The following ADGRG1 variants were observed in gnomAD, a reference collection of about 807,000 sequenced individuals.
The protein encoded by ADGRG1 is adhesion G protein-coupled receptor G1.
Under a neutral mutation model 73.5 loss-of-function variants are expected in ADGRG1, and 53 were observed. That is an observed-to-expected ratio of 0.72 (90% CI 0.58 to 0.91). The LOEUF (loss-of-function observed/expected upper bound fraction) is 0.91. Among genes scored for constraint, ADGRG1 ranks in the 40% least tolerant of loss-of-function variants. ADGRG1 has a pLI of 0.00. For missense variants in ADGRG1, 795 were observed against 871.8 expected (o/e 0.91, Z 1.11); for synonymous variants, 394 against 374.4 (o/e 1.05, Z -0.60).
At chr16:57,653,493 C>A in intron 4 of ADGRG1, 158 bp downstream of exon 4, 1 of 984,304 alleles carries the variant, frequency 1.0e-6, no homozygotes, top group African/African-American at 1.7e-5. Flanking sequence ...TCAACACATG[C>A]CCCCCAGGCT....
intron 1 of ADGRG1, chr16:57,642,178 C>G (rs567157227): frequency 2.0e-6 from 2 of 985,436 alleles, no homozygotes; most frequent in African/African-American, 1.7e-5. Flanking sequence ...ACAGGCCCAG[C>G]TGGCCACGGC....
intron 1 of ADGRG1, chr16:57,630,543 G>C: frequency 1.1e-5 from 11 of 985,310 alleles, no homozygotes; most frequent in Non-Finnish European, 1.3e-5. Context: ...AGAGTGTCGG[G>C]TGATGGAGAA....
At chr16:57,654,193 G>T (rs960015282) in intron 5 of ADGRG1, 60 bp downstream of exon 5, 2 of 1,542,086 alleles carry the variant, frequency 1.3e-6, no homozygotes, top group Non-Finnish European at 1.8e-6. Flanking sequence ...GATGGAGGTG[G>T]GGGCTGTGAG....
At chr16:57,652,432 A>G (rs1317414803) in intron 3 of ADGRG1, among the ~76,000 whole-genome samples, 1 of 152,168 alleles carries the variant, frequency 6.6e-6, no homozygotes, top group Non-Finnish European at 1.5e-5. Context: ...CCAGTGCAAC[A>G]GGCAGGCCCA....
At position 57,654,409 on chromosome 16, in the gene ADGRG1, ACC is replaced by A. The variant is rs72461004; in HGVS notation, c.768+287_768+288del. ...CCAGCCCCTAAACGCCTGTCCACGC[ACC>A]CCCCCCCCCCGTTTTTTTTTTTTCG... On this transcript the variant is annotated intron_variant, in intron 5 of 13. Transcript: ENST00000562631. Among the ~76,000 whole-genome samples the A allele has an allele frequency of 0.17, 7,624 of 44,922 alleles. 604 individuals are homozygous for A. Among genetic ancestry groups the A allele is most frequent in the East Asian group, 0.38 (906 of 2,386 alleles). 29.5% of individuals were successfully genotyped at this position (44,922 alleles called of 152,430 possible).
chr16:57,630,113 G>T (rs949571964), intron 1 of ADGRG1: 1 of 687,272 alleles, frequency 1.5e-6, no homozygotes, highest in East Asian at 1.3e-4. Context: ...GAACATGGCC[G>T]TGGGTGAGGC....
chr16:57,642,119 C>T lies in ADGRG1; in HGVS notation c.-35-8134C>T, dbSNP rs907845560. ...AAACTCTTGCATCTTCATATTCTTT[C>T]TCTCTCTTTTCCAACATCCTGAGTG... On this transcript the variant is annotated intron_variant, in intron 1 of 13. Coordinates refer to ENST00000562631, the MANE Select transcript of ADGRG1 (RefSeq NM_201525.4). 10 of 985,228 alleles carry T rather than the reference C, an allele frequency of 1.0e-5. No individual in the cohort carries two copies. The Admixed American group carries it at 6.1e-4, about 61-fold the overall frequency. 61.0% of individuals were successfully genotyped at this position (985,228 alleles called of 1,614,324 possible). A position where few individuals can be genotyped will look rare whatever the true frequency, so the allele number is the denominator to read the frequency against.
intron 1 of ADGRG1, chr16:57,630,998 C>T (rs1567676951): frequency 4.1e-6 from 4 of 986,040 alleles, no homozygotes; most frequent in Non-Finnish European, 4.8e-6. Context: ...GGAGGACTCG[C>T]CAGGCAGGTG....
intron 11 of ADGRG1, among the ~76,000 whole-genome samples, chr16:57,659,972 G>C (rs531755882): frequency 1.3e-5 from 2 of 152,360 alleles, no homozygotes; most frequent in Admixed American, 1.3e-4. Flanking sequence ...ACTGCTCAAA[G>C]GCACCCAGTT....
chr16:57,663,554 C>G lies in ADGRG1; in HGVS notation c.2036C>G (p.Ser679Trp). The change falls in exon 14 of 14, where the codon TCG (serine) becomes TGG (tryptophan). Residue 679 changes from serine (S) to tryptophan (W), a missense_variant. Transcript: ENST00000562631. ...NSDSARLPIS[S>W]GSTSSSRI is the part of the protein sequence containing the mutation. ...GACAGCGCCAGGCTCCCCATCAGCT[C>G]GGGCAGCACCTCGTCCAGCCGCATC... 1.2e-6 allele frequency: 2 copies of G among 1,613,782 alleles called. No homozygotes were observed. The highest frequency in any genetic ancestry group is 1.7e-6 in the Non-Finnish European group (2 of 1,179,988).
chr16:57,639,739 C>A, intron 1 of ADGRG1: 1 of 867,092 alleles, frequency 1.2e-6, no homozygotes, highest in Non-Finnish European at 1.4e-6. Context: ...CCCTGCTCCC[C>A]GCTTCTCCCC....
intron 1 of ADGRG1, chr16:57,630,741 AGGGAGCCTCTGC>A (rs527381204): frequency 9.9e-4 from 230 of 232,828 alleles, no homozygotes; most frequent in African/African-American, 5.1e-3. Flanking sequence ...GAAGAGGACC[AGGGAGCCTCTGC>A]GGAAGGCACT....
Position 57,653,225 on chromosome 16 carries a change from C to T in ADGRG1, c.510C>T (p.His170=), listed in dbSNP as rs1363902153. The change falls in exon 4 of 14, where the codon CAC becomes CAT. Residue 170 remains histidine, a synonymous_variant. Coordinates refer to ENST00000562631, the MANE Select transcript of ADGRG1 (RefSeq NM_201525.4). ...CAGGTCCTCCCCACACGGCCGCTCACAATGCCTCGGTGGACATGTGCGAGC... is the reference window on the plus strand; with the variant it reads ...CAGGTCCTCCCCACACGGCCGCTCATAATGCCTCGGTGGACATGTGCGAGC... ...SFHSPPHTAA[H]NASVDMCELK... The T allele has an allele frequency of 1.2e-6, 2 of 1,611,240 alleles. No homozygotes were observed. The highest frequency in any genetic ancestry group is 2.2e-5 in the East Asian group (1 of 44,882).
intron 1 of ADGRG1, chr16:57,635,624 G>A: frequency 1.0e-6 from 1 of 985,290 alleles, no homozygotes; most frequent in South Asian, 4.7e-5. Context: ...ACAGGAGTGA[G>A]CAAGGTCCAA....
At chr16:57,630,193 A>T (rs882938) in intron 1 of ADGRG1, 38 of 369,338 alleles carry the variant, frequency 1.0e-4, no homozygotes, top group Non-Finnish European at 1.2e-4. Context: ...CCCAGAGGAT[A>T]GCCCCGGGCA....
chr16:57,651,482 C>A lies in ADGRG1; in HGVS notation c.347C>A (p.Ala116Asp). The A allele has an allele frequency of 6.2e-7, 1 of 1,614,214 alleles. No individual in the cohort carries two copies. Among genetic ancestry groups the A allele is most frequent in the Non-Finnish European group, 8.5e-7 (1 of 1,180,036 alleles). The change falls in exon 3 of 14, where the codon GCC becomes GAC. Residue 116 changes from alanine (A) to aspartate (D), a missense_variant. Physicochemically the swap from Ala to Asp is moderately radical, Grantham distance 126. Transcript: ENST00000562631. ...GKRDFLLSDK[A>D]SSLLCFQHQE... ...CGTGACTTCTTGCTGAGTGACAAAG[C>A]CTCTAGCCTCCTCTGCTTCCAGCAC...
chr16:57,639,354 G>C (rs2040164887), intron 1 of ADGRG1: 1 of 985,420 alleles, frequency 1.0e-6, no homozygotes. Flanking sequence ...GCCGGGGTGT[G>C]ACGTAGTCCC....
At chr16:57,663,315 A>T in intron 13 of ADGRG1, 137 bp from the exon 14 acceptor site, 1 of 1,529,228 alleles carries the variant, frequency 6.5e-7, no homozygotes, top group Non-Finnish European at 8.7e-7. Context: ...GCTGGGTCTC[A>T]TGGGTGCCCG....
Position 57,663,697 on chromosome 16 carries a change from C to A in ADGRG1, c.*115C>A. 1 of 1,231,852 alleles carries A rather than the reference C, an allele frequency of 8.1e-7. No individual in the cohort carries two copies. The highest frequency in any genetic ancestry group is 1.2e-6 in the Non-Finnish European group (1 of 855,292). The allele number at this position is 1,231,852 out of a possible 1,614,324, so 76.3% of individuals were successfully genotyped here. A position where few individuals can be genotyped will look rare whatever the true frequency, so the allele number is the denominator to read the frequency against. On this transcript the variant is annotated 3_prime_UTR_variant, in exon 14 of 14. Transcript: ENST00000562631. ...CAGTCAGCCGCAGACTTTGGAAAGC[C>A]CAACGACCATGGAGAGATGGGCCGT...
Sources: gnomAD v4.1 joint callset for allele counts (sites outside exome capture counted in the v4.1 genomes callset) on GRCh38, gnomAD v4.1.1 for gene constraint, MANE v1.5 for transcripts, NCBI Gene and HGNC (gene_info 2026-07-23, HGNC 2026-07-21) for gene names.